The following GALNT8 variants were observed in gnomAD, a reference collection of about 807,000 sequenced individuals.
The protein encoded by GALNT8 is polypeptide N-acetylgalactosaminyltransferase 8, also known as probable polypeptide N-acetylgalactosaminyltransferase 8.
In GALNT8, 66 loss-of-function variants were observed where a neutral mutation model predicts 62.7. The observed-to-expected ratio is 1.05, with a 90% CI of 0.86 to 1.29. The LOEUF (loss-of-function observed/expected upper bound fraction) is 1.29. GALNT8 is among the 50% of genes most tolerant of loss of function. The probability of loss-of-function intolerance (pLI) is 0.00; values close to 1 mark genes in which losing one functional copy is unlikely to be tolerated. For synonymous variants in GALNT8, 288 were observed against 294.3 expected (o/e 0.98, Z 0.22); for missense variants, 771 against 791.8 (o/e 0.97, Z 0.32).
intron 2 of GALNT8, among the ~76,000 whole-genome samples, chr12:4,735,650 G>T (rs1946241280): frequency 6.6e-6 from 1 of 152,146 alleles, no homozygotes; most frequent in African/African-American, 2.4e-5. Flanking sequence ...CAAGAACACG[G>T]GGCTCCAGTT....
rs749316788 is a variant in GALNT8 at position 4,720,836 on chromosome 12, C to G, written c.159C>G (p.Tyr53Ter). ...RELPLHLNKR[Y>*]GAVIKRLSHL... is the part of the protein sequence containing the mutation. Reference sequence around the variant, plus strand: ...TTCCTTTACATCTGAATAAACGCTACGGGGCAGTGATAAAGAGACTCTCCC... The same window carrying G: ...TTCCTTTACATCTGAATAAACGCTAGGGGGCAGTGATAAAGAGACTCTCCC... The change falls in exon 1 of 11, where the codon TAC becomes TAG. Residue 53 changes from tyrosine (Y) to a stop codon, truncating the protein, a stop_gained. Coordinates refer to ENST00000252318, the MANE Select transcript of GALNT8 (RefSeq NM_017417.2). LOFTEE classifies it high-confidence loss of function. The G allele has an allele frequency of 2.5e-6, 4 of 1,610,284 alleles. No individual in the cohort carries two copies. Among genetic ancestry groups the G allele is most frequent in the Non-Finnish European group, 3.4e-6 (4 of 1,176,726 alleles).
chr12:4,756,902 T>C (rs1356688925), intron 6 of GALNT8, among the ~76,000 whole-genome samples: 1 of 152,242 alleles, frequency 6.6e-6, no homozygotes, highest in East Asian at 1.9e-4. Flanking sequence ...TATCTCATCT[T>C]AAATTATAAT....
intron 3 of GALNT8, among the ~76,000 whole-genome samples, chr12:4,744,063 T>C (rs768666801): frequency 4.6e-5 from 7 of 152,232 alleles, no homozygotes; most frequent in Non-Finnish European, 1.0e-4. Flanking sequence ...GGTCCTTAAG[T>C]AGGTCAACTG....
intron 6 of GALNT8, among the ~76,000 whole-genome samples, chr12:4,759,493 A>G (rs1448109311): frequency 1.3e-5 from 2 of 150,478 alleles, no homozygotes; most frequent in Non-Finnish European, 3.0e-5. Flanking sequence ...CAGGTGTGCA[A>G]TGATGGAACC....
intron 1 of GALNT8, among the ~76,000 whole-genome samples, chr12:4,723,750 CTTTTTT>C (rs539656719): frequency 8.0e-6 from 1 of 124,932 alleles, no homozygotes; most frequent in Non-Finnish European, 1.7e-5. Flanking sequence ...ATCACCAATG[CTTTTTT>C]TTTTTTTTTT....
chr12:4,763,569 C>T (rs1040350169), intron 8 of GALNT8, among the ~76,000 whole-genome samples, 179 bp downstream of exon 8: 1 of 152,208 alleles, frequency 6.6e-6, no homozygotes, highest in Non-Finnish European at 1.5e-5. Context: ...ATCCCCATCT[C>T]TTTTCCTTCT....
At chr12:4,750,286 G>T (rs1269931896) in intron 6 of GALNT8, among the ~76,000 whole-genome samples, 3 of 151,908 alleles carry the variant, frequency 2.0e-5, no homozygotes, top group Non-Finnish European at 2.9e-5. Flanking sequence ...CATCACCTAG[G>T]TATTAAGCCT....
At chr12:4,747,426 C>T (rs1158259135) in intron 6 of GALNT8, among the ~76,000 whole-genome samples, 1 of 152,080 alleles carries the variant, frequency 6.6e-6, no homozygotes, top group Non-Finnish European at 1.5e-5. Flanking sequence ...CCCATGAGTT[C>T]AATTGTTTTG....
At chr12:4,733,793 C>G (rs1037704400) in intron 2 of GALNT8, among the ~76,000 whole-genome samples, 1 of 152,180 alleles carries the variant, frequency 6.6e-6, no homozygotes, top group Non-Finnish European at 1.5e-5. Flanking sequence ...GAATTCGCCA[C>G]TTACATGGCA....
intron 2 of GALNT8, among the ~76,000 whole-genome samples, chr12:4,737,121 C>T (rs1313779168): frequency 6.6e-6 from 1 of 152,110 alleles, no homozygotes; most frequent in Non-Finnish European, 1.5e-5. Flanking sequence ...TTTTAAGGAG[C>T]TTAGAAGTCC....
chr12:4,726,910 T>TG lies in GALNT8; in HGVS notation c.509+86dup. 1 of 1,174,202 alleles carries TG rather than the reference T, an allele frequency of 8.5e-7. No individual in the cohort carries two copies. Among genetic ancestry groups the TG allele is most frequent in the Non-Finnish European group, 1.2e-6 (1 of 825,784 alleles). The allele number at this position is 1,174,202 out of a possible 1,614,324, so 72.7% of individuals were successfully genotyped here. On this transcript the variant is annotated intron_variant, in intron 2 of 10. Transcript: ENST00000252318. The surrounding 1 kb of genome is among the most constrained non-coding windows in gnomAD (Gnocchi z 4.1). ...TTTGGGAGCAGTGAACATTGAAGGC[T>TG]GGGGGAGTGGGGGATTGTTGGGGAA...
chr12:4,740,469 G>C (rs981153318), intron 3 of GALNT8, among the ~76,000 whole-genome samples: 2 of 151,088 alleles, frequency 1.3e-5, no homozygotes, highest in African/African-American at 4.9e-5. Context: ...TATCATCCAG[G>C]CTGGAGTGCA....
At chr12:4,763,686 C>T (rs1173608070) in intron 8 of GALNT8, among the ~76,000 whole-genome samples, 1 of 151,656 alleles carries the variant, frequency 6.6e-6, no homozygotes, top group African/African-American at 2.4e-5. Flanking sequence ...GCCTGAACTC[C>T]GCAGAGGCGC....
At chr12:4,754,715 G>C (rs1946336834) in intron 6 of GALNT8, among the ~76,000 whole-genome samples, 1 of 152,106 alleles carries the variant, frequency 6.6e-6, no homozygotes, top group Non-Finnish European at 1.5e-5. Flanking sequence ...GGTACCTAAA[G>C]CCAGCAAGTC....
intron 2 of GALNT8, among the ~76,000 whole-genome samples, chr12:4,730,735 T>C (rs561427291): frequency 6.6e-6 from 1 of 152,354 alleles, no homozygotes; most frequent in East Asian, 1.9e-4. Context: ...GAGTTGTTTT[T>C]TCTATCTGTA....
intron 2 of GALNT8, among the ~76,000 whole-genome samples, chr12:4,738,689 A>C (rs1382417224): frequency 1.3e-5 from 2 of 152,174 alleles, no homozygotes; most frequent in Non-Finnish European, 2.9e-5. Flanking sequence ...ACTAAACCCC[A>C]AAAAAGCTAT....
At chr12:4,746,017 T>C in intron 5 of GALNT8, 127 bp from the exon 6 acceptor site, 1 of 633,786 alleles carries the variant, frequency 1.6e-6, no homozygotes, top group Non-Finnish European at 2.9e-6. Context: ...CCTGAGAGTT[T>C]AGGGAAGGCC....
intron 6 of GALNT8, among the ~76,000 whole-genome samples, chr12:4,758,633 TGTGTGAGAGA>T (rs752739816): frequency 0.013 from 1,050 of 79,682 alleles, 4 homozygotes; most frequent in African/African-American, 0.022. Flanking sequence ...TGTGTGTGTG[TGTGTGAGAGA>T]GAGAGAGAGA....
At chr12:4,732,409 C>G (rs559443138) in intron 2 of GALNT8, among the ~76,000 whole-genome samples, 1 of 146,996 alleles carries the variant, frequency 6.8e-6, no homozygotes, top group Non-Finnish European at 1.5e-5. Context: ...TCAGTATCTT[C>G]TGCTGCACTG....
Sources: allele counts gnomAD v4.1 joint callset (sites outside exome capture counted in the v4.1 genomes callset), GRCh38; gene constraint gnomAD v4.1.1; non-coding constraint Gnocchi (gnomAD v3.1); transcripts MANE v1.5; gene names NCBI Gene and HGNC (gene_info 2026-07-23, HGNC 2026-07-21).